The following PCDHA1 variants were observed in gnomAD, a reference collection of about 807,000 sequenced individuals.
PCDHA1 encodes protocadherin alpha-1.
PCDHA1 carries 42 observed loss-of-function variants against 61.3 expected under a neutral mutation model. The observed-to-expected ratio is 0.69, with a 90% CI of 0.54 to 0.89. PCDHA1 has a LOEUF of 0.89. Ranked by LOEUF, PCDHA1 falls within the 40% of genes least tolerant of loss-of-function variation. The probability of loss-of-function intolerance (pLI) is 0.00; values close to 1 mark genes in which losing one functional copy is unlikely to be tolerated. For missense variants in PCDHA1, 1,256 were observed against 1,235.3 expected, an observed-to-expected ratio of 1.02 and a Z score of -0.25; for synonymous variants, 610 against 553.8, an observed-to-expected ratio of 1.10 and a Z score of -1.43.
At chr5:140,843,144 C>G (rs1554139783) in intron 1 of PCDHA1, 3 of 1,596,036 alleles carry the variant, frequency 1.9e-6, no homozygotes, top group Non-Finnish European at 2.6e-6. Flanking sequence ...GCGTGGCTTT[C>G]GTATGAGCTG....
chr5:140,850,583 C>T, intron 1 of PCDHA1: 2 of 1,598,412 alleles, frequency 1.3e-6, no homozygotes, highest in South Asian at 1.1e-5. Context: ...TGGTGGATGT[C>T]AACGTGTACC....
chr5:140,829,196 A>G, intron 1 of PCDHA1: 1 of 1,614,216 alleles, frequency 6.2e-7, no homozygotes, highest in Non-Finnish European at 8.5e-7. Context: ...TGGTACTGTC[A>G]TCGCCCTAAT....
intron 1 of PCDHA1, chr5:140,862,574 C>G (rs1338632403): frequency 4.1e-6 from 2 of 484,868 alleles, no homozygotes; most frequent in East Asian, 1.1e-4. Context: ...AATGCCCTGG[C>G]GTTCCAGCAG....
chr5:141,010,353 G>T lies in PCDHA1; in HGVS notation c.*416G>T. On this transcript the variant is annotated 3_prime_UTR_variant, in exon 4 of 4. Transcript: ENST00000504120. Reference sequence around the variant, plus strand: ...AGTTTGTGGCCACTGGGTATGTGTGGCTACCGCGGGTATGCGAGTGCCAGA... The same window carrying T: ...AGTTTGTGGCCACTGGGTATGTGTGTCTACCGCGGGTATGCGAGTGCCAGA... The T allele has an allele frequency of 6.6e-7, 1 of 1,507,486 alleles. No homozygotes were observed. Among genetic ancestry groups the T allele is most frequent in the Non-Finnish European group, 8.9e-7 (1 of 1,128,244 alleles). 93.4% of individuals were successfully genotyped at this position (1,507,486 alleles called of 1,614,324 possible).
At chr5:140,877,488 C>T (rs781785108) in intron 1 of PCDHA1, 9 of 1,613,736 alleles carry the variant, frequency 5.6e-6, no homozygotes, top group Admixed American at 5.0e-5. Flanking sequence ...TGGTGGAGAA[C>T]GGCCAGGCCC....
chr5:140,786,629 G>A lies in PCDHA1; in HGVS notation c.339G>A (p.Pro113=), dbSNP rs550994598. Residue 113 remains proline, a synonymous_variant, in exon 1 of 4, where the codon CCG becomes CCA. Transcript: ENST00000504120. ...ACCTGGAGTTGATCGCCGACAGGCC[G>A]CTGCAGGTTTTCCATGTGGAGGTGA... ...SIHLELIADR[P]LQVFHVEVKV... The A allele has an allele frequency of 6.2e-7, 1 of 1,614,252 alleles. No homozygotes were observed. The highest frequency in any genetic ancestry group is 8.5e-7 in the Non-Finnish European group (1 of 1,180,042).
chr5:140,935,393 C>T (rs1213341467), intron 1 of PCDHA1, among the ~76,000 whole-genome samples: 2 of 152,166 alleles, frequency 1.3e-5, no homozygotes, highest in Admixed American at 6.5e-5. Context: ...TGTTATCCCA[C>T]GGGACTCAAA....
intron 1 of PCDHA1, chr5:140,882,727 A>G (rs1554175345): frequency 6.2e-7 from 1 of 1,614,250 alleles, no homozygotes. Context: ...CTCGATTTCC[A>G]CTAGATGGCG....
intron 1 of PCDHA1, among the ~76,000 whole-genome samples, chr5:140,900,805 G>C (rs1554189444): frequency 6.6e-6 from 1 of 152,118 alleles, no homozygotes; most frequent in Non-Finnish European, 1.5e-5. Context: ...CATAGTGCTT[G>C]TACTAATTTA....
chr5:140,825,840 C>T (rs1347379452), intron 1 of PCDHA1: 1 of 152,306 alleles, frequency 6.6e-6, no homozygotes, highest in Non-Finnish European at 1.5e-5. Context: ...AATAAATATA[C>T]CATGATACAA....
At chr5:140,922,916 C>T (rs2081069739) in intron 1 of PCDHA1, among the ~76,000 whole-genome samples, 1 of 152,146 alleles carries the variant, frequency 6.6e-6, no homozygotes, top group South Asian at 2.1e-4. Context: ...TACAAATAAA[C>T]TTCAGACTTT....
At chr5:140,798,444 G>A (rs1554120681) in intron 1 of PCDHA1, among the ~76,000 whole-genome samples, 1 of 152,106 alleles carries the variant, frequency 6.6e-6, no homozygotes, top group African/African-American at 2.4e-5. Context: ...AAATCACACT[G>A]GGGTTTTTCA....
At chr5:140,842,935 C>G (rs1329962165) in intron 1 of PCDHA1, 2 of 1,594,326 alleles carry the variant, frequency 1.3e-6, no homozygotes, top group African/African-American at 1.3e-5. Flanking sequence ...TGAGCGCGCG[C>G]GACGCGGGCG....
intron 1 of PCDHA1, chr5:140,926,897 T>C: frequency 1.3e-6 from 2 of 1,548,696 alleles, no homozygotes; most frequent in Non-Finnish European, 1.7e-6. Context: ...GGGAGGATGG[T>C]GGGCTGTGGG....
intron 1 of PCDHA1, chr5:140,855,985 T>C (rs1308397078): frequency 1.4e-6 from 2 of 1,473,214 alleles, no homozygotes; most frequent in East Asian, 2.3e-5. Flanking sequence ...GGACAGAAAA[T>C]GTCAGATCGT....
chr5:140,990,199 G>A (rs1308811962), intron 3 of PCDHA1, among the ~76,000 whole-genome samples: 1 of 152,132 alleles, frequency 6.6e-6, no homozygotes, highest in East Asian at 1.9e-4. Context: ...ATGTGGACCC[G>A]AAAGAGAACA....
intron 1 of PCDHA1, among the ~76,000 whole-genome samples, chr5:140,919,265 T>A (rs534045587): frequency 4.3e-4 from 66 of 152,394 alleles, no homozygotes. Flanking sequence ...GATATTAGTG[T>A]AGTCACTCCA....
At chr5:140,802,980 C>A (rs1299551760) in intron 1 of PCDHA1, 5 of 1,613,998 alleles carry the variant, frequency 3.1e-6, no homozygotes, top group Non-Finnish European at 4.2e-6. Context: ...AGCGAAGGTG[C>A]GCGCAGTGGA....
intron 1 of PCDHA1, chr5:140,831,357 T>C (rs2150193873): frequency 9.0e-6 from 1 of 110,600 alleles, no homozygotes; most frequent in Non-Finnish European, 1.9e-5. Context: ...TATTCACTAT[T>C]TTGTATGTGT....
Sources: allele counts gnomAD v4.1 joint callset (sites outside exome capture counted in the v4.1 genomes callset), GRCh38; gene constraint gnomAD v4.1.1; transcripts MANE v1.5; gene names NCBI Gene and HGNC (gene_info 2026-07-23, HGNC 2026-07-21).